The following TEX36 variants were observed in gnomAD, a reference collection of about 807,000 sequenced individuals.
The protein encoded by TEX36 is testis expressed 36, also known as testis-expressed protein 36.
In TEX36, 12 loss-of-function variants were observed where a neutral mutation model predicts 13.6. The observed-to-expected ratio is 0.88, with a 90% CI of 0.56 to 1.43. TEX36 has a LOEUF of 1.43. TEX36 is among the 40% of genes most tolerant of loss of function. The pLI, the probability that TEX36 is intolerant of heterozygous loss-of-function variation, is 0.00. For synonymous variants in TEX36, 93 were observed against 83.0 expected (o/e 1.12, Z -0.65); for missense variants, 224 against 228.3 (o/e 0.98, Z 0.12).
rs146713771 is a variant in TEX36, at chr10:125,606,016, G to A, written c.265-29142C>T. ...GATGCATTTAAGTCATTCATCTACCGAGCTTTTATTTAGCACCTACTCTGT... is the reference window on the plus strand; with the variant it reads ...GATGCATTTAAGTCATTCATCTACCAAGCTTTTATTTAGCACCTACTCTGT... On this transcript the variant is annotated intron_variant, in intron 3 of 3. Transcript: ENST00000532135. Among the ~76,000 whole-genome samples the A allele has an allele frequency of 2.5e-3, 386 of 152,178 alleles. 3 individuals carry two copies. The highest frequency in any genetic ancestry group is 9.0e-3 in the African/African-American group (374 of 41,510).
chr10:125,668,919 G>T (rs1847171426), intron 1 of TEX36, among the ~76,000 whole-genome samples: 1 of 152,164 alleles, frequency 6.6e-6, no homozygotes, highest in African/African-American at 2.4e-5. Context: ...AGCACTTTGG[G>T]AGGCTGAGGC....
intron 1 of TEX36, among the ~76,000 whole-genome samples, chr10:125,670,882 G>A (rs945555391): frequency 6.6e-6 from 1 of 152,122 alleles, no homozygotes; most frequent in African/African-American, 2.4e-5. Context: ...GTTTGTTGAA[G>A]ATCAGATGGT....
intron 3 of TEX36, among the ~76,000 whole-genome samples, chr10:125,626,332 T>A (rs953577891): frequency 1.3e-5 from 2 of 152,200 alleles, no homozygotes; most frequent in African/African-American, 2.4e-5. Flanking sequence ...CAGAGGGTGC[T>A]GAGTGCCCCC....
chr10:125,579,424 T>C (rs983142166), intron 3 of TEX36, among the ~76,000 whole-genome samples: 4 of 152,154 alleles, frequency 2.6e-5, no homozygotes, highest in Admixed American at 2.0e-4. Context: ...ACTGCCTCCA[T>C]GGTCTAATCA....
chr10:125,598,493 G>A (rs556678772), intron 3 of TEX36, among the ~76,000 whole-genome samples: 1 of 152,162 alleles, frequency 6.6e-6, no homozygotes, highest in Non-Finnish European at 1.5e-5. Flanking sequence ...TGGAAAAATT[G>A]TCCTTTAGGA....
intron 3 of TEX36, among the ~76,000 whole-genome samples, chr10:125,622,351 G>A (rs975896582): frequency 1.3e-5 from 2 of 152,216 alleles, no homozygotes; most frequent in Admixed American, 1.3e-4. Flanking sequence ...TATTTCCTTA[G>A]TACAGGTGTA....
chr10:125,627,922 T>G (rs1489409842), intron 3 of TEX36, among the ~76,000 whole-genome samples: 1 of 152,174 alleles, frequency 6.6e-6, no homozygotes, highest in Non-Finnish European at 1.5e-5. Context: ...AGGAGACTCT[T>G]CAAAGATTAT....
At chr10:125,620,254 C>T (rs908090905), downstream of TEX36, among the ~76,000 whole-genome samples, 1 of 152,114 alleles carries the variant, frequency 6.6e-6, no homozygotes, top group Non-Finnish European at 1.5e-5. Context: ...CAAATCCTTG[C>T]GAGCACTAGG....
At chr10:125,641,637 A>T (rs1040077583) in intron 3 of TEX36, among the ~76,000 whole-genome samples, 2 of 152,106 alleles carry the variant, frequency 1.3e-5, no homozygotes, top group African/African-American at 4.8e-5. Context: ...ATCTATAAAC[A>T]CCTTCATGTA....
In TEX36 at chr10:125,661,923, A is replaced by G. The variant is rs1467354314; in HGVS notation, c.106T>C (p.Ser36Pro). Residue 36 changes from serine (S) to proline (P), a missense_variant, in exon 2 of 4, where the codon TCA becomes CCA. By Grantham distance (74) the Ser-to-Pro change is moderately conservative (BLOSUM62 -1). Coordinates refer to ENST00000368821, the MANE Select transcript of TEX36 (RefSeq NM_001128202.3). ...AAGTGTGGACTCTGGGGCTCTTTTG[A>G]CGTAGCACTGGTGATGGATTCTGGT... ...KTPESITSAT[S>P]KEPQSPHLPR... 6.4e-7 allele frequency: 1 copy of G among 1,552,134 alleles called. No homozygotes were observed. The highest frequency in any genetic ancestry group is 1.4e-5 in the African/African-American group (1 of 72,994).
intron 3 of TEX36, among the ~76,000 whole-genome samples, chr10:125,604,862 C>G (rs933365565): frequency 2.6e-5 from 4 of 151,480 alleles, no homozygotes; most frequent in African/African-American, 9.7e-5. Flanking sequence ...TCACTGTCTC[C>G]TATTACCCCC....
chr10:125,613,720 G>C (rs559195534), intron 3 of TEX36, among the ~76,000 whole-genome samples: 1 of 151,872 alleles, frequency 6.6e-6, no homozygotes, highest in African/African-American at 2.4e-5. Context: ...TTGCTATTGC[G>C]AATAGTGCCG....
At chr10:125,670,660 G>A (rs1487032312) in intron 1 of TEX36, among the ~76,000 whole-genome samples, 1 of 151,990 alleles carries the variant, frequency 6.6e-6, no homozygotes, top group East Asian at 1.9e-4. Context: ...TGTAATATTT[G>A]TTTGCCCTTT....
intron 3 of TEX36, among the ~76,000 whole-genome samples, chr10:125,588,667 T>A: frequency 6.6e-6 from 1 of 152,130 alleles, no homozygotes; most frequent in Non-Finnish European, 1.5e-5. Context: ...CATGCTGGAG[T>A]GCTGTGGCCC....
intron 3 of TEX36, among the ~76,000 whole-genome samples, chr10:125,606,998 T>C (rs945192197): frequency 6.6e-6 from 1 of 152,216 alleles, no homozygotes; most frequent in Non-Finnish European, 1.5e-5. Flanking sequence ...ATGGTTTTCC[T>C]AGGTATCATA....
At chr10:125,576,652 C>T in exon 4 of TEX36, 3 of 1,441,302 alleles carry the variant, frequency 2.1e-6, no homozygotes, top group Non-Finnish European at 2.8e-6. Context: ...TACTAACTAG[C>T]TAGGCTAAGA....
intron 3 of TEX36, among the ~76,000 whole-genome samples, chr10:125,660,181 T>A (rs955908524): frequency 1.3e-5 from 2 of 152,192 alleles, no homozygotes; most frequent in Non-Finnish European, 2.9e-5. Context: ...TGGAGTGCAG[T>A]GTTCGTGATC....
chr10:125,633,072 C>T (rs755455266), intron 3 of TEX36, among the ~76,000 whole-genome samples: 5 of 151,922 alleles, frequency 3.3e-5, no homozygotes, highest in Non-Finnish European at 5.9e-5. Context: ...TGCGGTCAGC[C>T]GAGATTGTGC....
At chr10:125,585,530 C>A (rs925799213) in intron 3 of TEX36, among the ~76,000 whole-genome samples, 2 of 152,192 alleles carry the variant, frequency 1.3e-5, no homozygotes, top group African/African-American at 2.4e-5. Context: ...ACTCCTCTAC[C>A]CCAAAGCTAG....
Sources: gnomAD v4.1 joint callset for allele counts (sites outside exome capture counted in the v4.1 genomes callset) on GRCh38, gnomAD v4.1.1 for gene constraint, MANE v1.5 for transcripts, NCBI Gene and HGNC (gene_info 2026-07-23, HGNC 2026-07-21) for gene names.